Variants in DLC1 observed in about 807,000 individuals in gnomAD.
DLC1 encodes rho GTPase-activating protein 7.
DLC1 carries 54 observed loss-of-function variants against 140.3 expected under a neutral mutation model. That is an observed-to-expected ratio of 0.38 (90% CI 0.31 to 0.48). DLC1 has a LOEUF of 0.48. Ranked by LOEUF, DLC1 falls within the 20% of genes least tolerant of loss-of-function variation. DLC1 has a pLI of 0.96. For missense variants in DLC1, 2,536 were observed against 1,907.0 expected (o/e 1.33, Z -6.14); for synonymous variants, 986 against 728.1 (o/e 1.35, Z -5.70).
intron 5 of DLC1, among the ~76,000 whole-genome samples, chr8:13,166,139 C>G (rs1825090215): frequency 6.6e-6 from 1 of 152,116 alleles, no homozygotes; most frequent in South Asian, 2.1e-4. Flanking sequence ...GCTCAGAACC[C>G]TGGCATCTTT....
chr8:13,370,926 G>A (rs950166597), intron 4 of DLC1, among the ~76,000 whole-genome samples: 1 of 152,086 alleles, frequency 6.6e-6, no homozygotes, highest in Admixed American at 6.6e-5. Context: ...ACTTACACAT[G>A]ATCCTGGCCA....
Position 13,531,690 on chromosome 8 carries a change from G to C in DLC1, c.-125-31494C>G, listed in dbSNP as rs114009876. On this transcript the variant is annotated intron_variant, in intron 1 of 1. Coordinates refer to the DLC1 transcript ENST00000631382. ...TTTGAGGAATTATTTCTTCTCTCTT[G>C]CTAATAAATTTCCTGGGGGAAAGTC... Among the ~76,000 whole-genome samples the C allele has an allele frequency of 4.5e-3, 688 of 152,204 alleles. 8 individuals are homozygous for C. Among genetic ancestry groups the C allele is most frequent in the African/African-American group, 0.016 (669 of 41,520 alleles).
chr8:13,537,920 C>T (rs1803344214), intron 1 of DLC1, among the ~76,000 whole-genome samples: 1 of 152,080 alleles, frequency 6.6e-6, no homozygotes, highest in South Asian at 2.1e-4. Flanking sequence ...TCCCAAAGTT[C>T]TGGGATTACA....
chr8:13,487,920 A>G (rs1801045267), intron 2 of DLC1, among the ~76,000 whole-genome samples: 1 of 152,150 alleles, frequency 6.6e-6, no homozygotes, highest in Admixed American at 6.5e-5. Flanking sequence ...GATATTTTAC[A>G]TTTTATCAGA....
At chr8:13,198,354 G>C (rs1827186509) in intron 5 of DLC1, among the ~76,000 whole-genome samples, 1 of 152,158 alleles carries the variant, frequency 6.6e-6, no homozygotes, top group African/African-American at 2.4e-5. Context: ...AGGCAAAGGA[G>C]AGATGCTGAG....
chr8:13,120,356 A>AAAAAAAAAAAAAAATATATATATATAT, intron 5 of DLC1, among the ~76,000 whole-genome samples: 14 of 61,118 alleles, frequency 2.3e-4, no homozygotes, highest in Non-Finnish European at 3.8e-4. Context: ...AAAAAAAAAA[A>AAAAAAAAAAAAAAATATATATATATAT]ATATATATAT....
At chr8:13,372,924 C>T (rs1057325837) in intron 4 of DLC1, among the ~76,000 whole-genome samples, 2 of 152,202 alleles carry the variant, frequency 1.3e-5, no homozygotes, top group East Asian at 1.9e-4. Flanking sequence ...CCATGCCCAG[C>T]ATCCACCAGG....
chr8:13,321,422 C>A (rs775107933), intron 4 of DLC1, among the ~76,000 whole-genome samples: 9 of 151,612 alleles, frequency 5.9e-5, no homozygotes, highest in Non-Finnish European at 1.3e-4. Context: ...CCTGTAGTCT[C>A]AGCTACTTGG....
At chr8:13,351,010 G>A (rs1288913342) in intron 4 of DLC1, among the ~76,000 whole-genome samples, 1 of 152,124 alleles carries the variant, frequency 6.6e-6, no homozygotes, top group East Asian at 1.9e-4. Context: ...ACAGATGCTT[G>A]GTTTTGATTT....
chr8:13,568,169 A>T (rs1396840875), intron 1 of DLC1: 1 of 518,630 alleles, frequency 1.9e-6, no homozygotes, highest in African/African-American at 2.0e-5. Context: ...TTGGGCCAGG[A>T]TGTTGATGGT....
chr8:13,356,737 A>G (rs1834957808), intron 4 of DLC1, among the ~76,000 whole-genome samples: 1 of 152,184 alleles, frequency 6.6e-6, no homozygotes, highest in African/African-American at 2.4e-5. Flanking sequence ...TCATTTCTGA[A>G]AGCCATGTGG....
intron 4 of DLC1, among the ~76,000 whole-genome samples, chr8:13,311,665 A>G (rs143701667): frequency 6.6e-6 from 1 of 152,302 alleles, no homozygotes; most frequent in East Asian, 1.9e-4. Flanking sequence ...CTGAAATTAT[A>G]GCTTTATTTA....
intron 5 of DLC1, among the ~76,000 whole-genome samples, chr8:13,229,102 T>C (rs1265094873): frequency 6.6e-6 from 1 of 152,064 alleles, no homozygotes; most frequent in Non-Finnish European, 1.5e-5. Flanking sequence ...GCAACGAAAA[T>C]GCATGCTCAC....
rs2128923329 is a variant in DLC1 at position 13,083,446 on chromosome 8, G to C, written c.*2365C>G. On this transcript the variant is annotated 3_prime_UTR_variant, in exon 18 of 18. Coordinates refer to ENST00000276297, the MANE Select transcript of DLC1 (RefSeq NM_182643.3). ...TGCAGGGGATTATAAAGATGTGTAAGAGACAAGCCCTGCCCTCAAAGAGCT... is the reference window on the plus strand; with the variant it reads ...TGCAGGGGATTATAAAGATGTGTAACAGACAAGCCCTGCCCTCAAAGAGCT... 1 of 152,262 alleles carries C rather than the reference G, an allele frequency of 6.6e-6. No homozygotes were observed. Among genetic ancestry groups the C allele is most frequent in the Non-Finnish European group, 1.5e-5 (1 of 68,024 alleles). 9.4% of individuals were successfully genotyped at this position (152,262 alleles called of 1,614,324 possible). A position where few individuals can be genotyped will look rare whatever the true frequency, so the allele number is the denominator to read the frequency against.
chr8:13,455,770 A>G (rs890878221), intron 2 of DLC1, among the ~76,000 whole-genome samples: 5 of 152,158 alleles, frequency 3.3e-5, no homozygotes, highest in Non-Finnish European at 7.4e-5. Context: ...CAGCACTTTG[A>G]GAGGCCAAGG....
intron 5 of DLC1, among the ~76,000 whole-genome samples, chr8:13,185,874 C>T (rs184328587): frequency 2.0e-5 from 3 of 152,114 alleles, no homozygotes; most frequent in African/African-American, 7.2e-5. Flanking sequence ...ATTTGCTTGT[C>T]TGTAAAGGAT....
At chr8:13,311,016 C>T (rs1180787185) in intron 4 of DLC1, among the ~76,000 whole-genome samples, 1 of 152,078 alleles carries the variant, frequency 6.6e-6, no homozygotes, top group Non-Finnish European at 1.5e-5. Context: ...AAATAATAGA[C>T]ATGCATACAT....
At chr8:13,381,759 T>A (rs1426652049) in intron 4 of DLC1, among the ~76,000 whole-genome samples, 1 of 152,142 alleles carries the variant, frequency 6.6e-6, no homozygotes, top group Non-Finnish European at 1.5e-5. Context: ...GAATTCTCAA[T>A]ACCTGCAAAC....
chr8:13,593,461 G>T (rs1805586386), intron 1 of DLC1, among the ~76,000 whole-genome samples: 2 of 152,080 alleles, frequency 1.3e-5, no homozygotes, highest in South Asian at 4.1e-4. Context: ...GTTACTTCTA[G>T]ATGAAATCTT....
Sources: gnomAD v4.1 joint callset for allele counts (sites outside exome capture counted in the v4.1 genomes callset) on GRCh38, gnomAD v4.1.1 for gene constraint, MANE v1.5 for transcripts, NCBI Gene and HGNC (gene_info 2026-07-23, HGNC 2026-07-21) for gene names.